The following RBM19 variants were observed in gnomAD, a reference collection of about 807,000 sequenced individuals.
RBM19 encodes the protein probable RNA-binding protein 19.
A neutral mutation model predicts 116.8 loss-of-function variants in RBM19; 94 were observed. The observed-to-expected ratio is 0.80, with a 90% confidence interval of 0.68 to 0.95. RBM19 has a LOEUF of 0.95. Among genes scored for constraint, RBM19 ranks in the 40% least tolerant of loss-of-function variants. RBM19 has a pLI of 0.00. For synonymous variants in RBM19, 475 were observed against 494.1 expected, an observed-to-expected ratio of 0.96 and a Z score of 0.51; for missense variants, 1,161 against 1,220.7, an observed-to-expected ratio of 0.95 and a Z score of 0.73.
chr12:113,959,359 T>C lies in RBM19; in HGVS notation c.424A>G (p.Arg142Gly). 6.2e-7 allele frequency: 1 copy of C among 1,612,608 alleles called. No individual in the cohort carries two copies. Among genetic ancestry groups the C allele is most frequent in the Non-Finnish European group, 8.5e-7 (1 of 1,178,678 alleles). Residue 142 changes from arginine (R) to glycine (G), a missense_variant, in exon 5 of 24, where the codon AGG becomes GGG. Transcript: ENST00000261741. ...EFQEFLSVHQRRAQAATWAND... is the reference protein window; with the variant it reads ...EFQEFLSVHQGRAQAATWAND... ...GCCCAAGTGGCTGCCTGCGCCCGCC[T>C]CTGATGAACTGACAGAAACTCCTGG...
At chr12:113,862,316 T>C (rs375694490) in intron 21 of RBM19, among the ~76,000 whole-genome samples, 1 of 152,268 alleles carries the variant, frequency 6.6e-6, no homozygotes, top group East Asian at 1.9e-4. Flanking sequence ...CGAGGCGAGA[T>C]CTTTCTCATC....
intron 14 of RBM19, among the ~76,000 whole-genome samples, chr12:113,941,737 G>A (rs888899936): frequency 1.4e-4 from 21 of 152,114 alleles, no homozygotes; most frequent in African/African-American, 4.8e-4. Flanking sequence ...AGGTAAAAAT[G>A]TGAGGCCTGG....
intron 21 of RBM19, among the ~76,000 whole-genome samples, chr12:113,860,197 G>A (rs1436299859): frequency 6.6e-6 from 1 of 152,240 alleles, no homozygotes; most frequent in Non-Finnish European, 1.5e-5. Context: ...AGGAACGTGG[G>A]GAGTGGAGCC....
At chr12:113,914,733 A>T (rs189043545) in intron 21 of RBM19, among the ~76,000 whole-genome samples, 146 of 152,320 alleles carry the variant, frequency 9.6e-4, no homozygotes, top group African/African-American at 3.4e-3. Flanking sequence ...CCCTTTCTCC[A>T]TCTGCCTCGG....
intron 17 of RBM19, 97 bp from the exon 18 acceptor site, chr12:113,924,854 C>T (rs2135873937): frequency 2.9e-6 from 3 of 1,017,712 alleles, no homozygotes; most frequent in Non-Finnish European, 3.1e-6. Context: ...GCCATATGGA[C>T]ACCTTGGGGT....
Position 113,938,667 on chromosome 12 carries a change from T to A in RBM19, c.1938+1293A>T, listed in dbSNP as rs1870287872. 1.3e-5 allele frequency among the ~76,000 whole-genome samples: 2 copies of A among 152,184 alleles called. 1 individual carries two copies. Among genetic ancestry groups the A allele is most frequent in the South Asian group, 4.1e-4 (2 of 4,836 alleles). ...TTAAGTGAAAGATTTTGAGATGAGA[T>A]CATCTTGCATTATCCCGGCAGAGCC... is the stretch of plus-strand genomic sequence containing the variant. On this transcript the variant is annotated intron_variant, in intron 15 of 23. Transcript: ENST00000261741.
At chr12:113,844,930 T>A in intron 22 of RBM19, 142 bp from the exon 23 acceptor site, 1 of 1,235,932 alleles carries the variant, frequency 8.1e-7, no homozygotes, top group Non-Finnish European at 1.1e-6. Flanking sequence ...CAGCGAGGGT[T>A]TGGGGAGCGG....
intron 23 of RBM19, among the ~76,000 whole-genome samples, chr12:113,832,208 T>G (rs1875486879): frequency 6.6e-6 from 1 of 151,750 alleles, no homozygotes; most frequent in Non-Finnish European, 1.5e-5. Flanking sequence ...TTTTTTTTTT[T>G]AGACTAAGTC....
intron 21 of RBM19, among the ~76,000 whole-genome samples, chr12:113,906,232 G>T (rs1289660856): frequency 6.6e-6 from 1 of 152,146 alleles, no homozygotes; most frequent in Admixed American, 6.5e-5. Context: ...TTGGTAAAAT[G>T]GGTAAGTATA....
At chr12:113,932,195 T>C (rs1342229258) in intron 16 of RBM19, among the ~76,000 whole-genome samples, 1 of 152,194 alleles carries the variant, frequency 6.6e-6, no homozygotes, top group Admixed American at 6.5e-5. Flanking sequence ...GCTCAAGTCA[T>C]GCAAACTCTC....
intron 21 of RBM19, among the ~76,000 whole-genome samples, chr12:113,861,512 G>GTGTGTGTGTGTT (rs1472875184): frequency 6.6e-6 from 1 of 151,162 alleles, no homozygotes; most frequent in African/African-American, 2.4e-5. Context: ...GTGTGTGTGT[G>GTGTGTGTGTGTT]TGAAGGAGAG....
chr12:113,965,337 AAG>A (rs10686354), intron 1 of RBM19, among the ~76,000 whole-genome samples: 1 of 143,426 alleles, frequency 7.0e-6, no homozygotes, highest in African/African-American at 2.5e-5. Flanking sequence ...AAAGCCATGA[AAG>A]AGAGAGAAAA....
At chr12:113,917,044 C>T (rs910020906) in intron 20 of RBM19, among the ~76,000 whole-genome samples, 2 of 152,242 alleles carry the variant, frequency 1.3e-5, no homozygotes, top group Non-Finnish European at 2.9e-5. Flanking sequence ...AGATGTGGAA[C>T]ATTTCCATTG....
At chr12:113,964,941 A>G (rs1872750093) in intron 1 of RBM19, among the ~76,000 whole-genome samples, 2 of 137,580 alleles carry the variant, frequency 1.5e-5, no homozygotes, top group South Asian at 4.4e-4. Flanking sequence ...TGACAAATGA[A>G]AAAAAAAAAA....
intron 6 of RBM19, among the ~76,000 whole-genome samples, chr12:113,956,615 G>T (rs118150820): frequency 0.04 from 6,085 of 151,120 alleles, 307 homozygotes; most frequent in Admixed American, 0.15. Flanking sequence ...GGGCTAGGCA[G>T]GGAGAGAAGT....
At chr12:113,950,732 C>T (rs150228285) in intron 8 of RBM19, among the ~76,000 whole-genome samples, 72 of 152,298 alleles carry the variant, frequency 4.7e-4, no homozygotes, top group African/African-American at 1.7e-3. Flanking sequence ...GAGGGGCACT[C>T]GGCTAATAGC....
chr12:113,844,655 G>A lies in RBM19; in HGVS notation c.2785+13C>T, dbSNP rs780326366. The A allele has an allele frequency of 3.6e-5, 58 of 1,607,884 alleles. No individual in the cohort carries two copies. The highest frequency in any genetic ancestry group is 4.3e-5 in the Non-Finnish European group (51 of 1,177,382). On this transcript the variant is annotated intron_variant, in intron 23 of 23. Coordinates refer to ENST00000261741, the MANE Select transcript of RBM19 (RefSeq NM_016196.4). ...GGCCCATGAGTCAGCCCAAAAGACC[G>A]TCCCGCTCCTACCGTGAAAGTGAGC...
intron 21 of RBM19, among the ~76,000 whole-genome samples, chr12:113,902,337 C>T (rs1183475001): frequency 6.6e-6 from 1 of 152,096 alleles, no homozygotes; most frequent in Non-Finnish European, 1.5e-5. Context: ...TGTGGTGGCT[C>T]ACACCTGTAA....
intron 21 of RBM19, among the ~76,000 whole-genome samples, chr12:113,895,514 G>C (rs1881258496): frequency 6.6e-6 from 1 of 152,154 alleles, no homozygotes. Context: ...ACACATGTCA[G>C]AGAGGGGAAG....
Sources: gnomAD v4.1 joint callset for allele counts (sites outside exome capture counted in the v4.1 genomes callset) on GRCh38, gnomAD v4.1.1 for gene constraint, MANE v1.5 for transcripts, NCBI Gene and HGNC (gene_info 2026-07-23, HGNC 2026-07-21) for gene names.